Variants in NRG1 observed in about 807,000 individuals in gnomAD.
NRG1 encodes the protein neuregulin 1, also known as pro-neuregulin-1, membrane-bound isoform.
A neutral mutation model predicts 63.8 loss-of-function variants in NRG1; 18 were observed. That is an observed-to-expected ratio of 0.28 (90% CI 0.19 to 0.42). The LOEUF (loss-of-function observed/expected upper bound fraction) is 0.42. NRG1 is among the 10% of genes least tolerant of loss of function. The pLI is 1.00. For missense variants in NRG1, 762 were observed against 814.7 expected (o/e 0.94, Z 0.79); for synonymous variants, 302 against 301.3 (o/e 1.00, Z -0.02).
At chr8:32,681,363 C>T (rs1808570553) in intron 5 of NRG1, among the ~76,000 whole-genome samples, 1 of 152,124 alleles carries the variant, frequency 6.6e-6, no homozygotes, top group South Asian at 2.1e-4. Context: ...CATTTAAGTA[C>T]AATGAAGTGT....
chr8:32,483,002 G>A (rs1325238122), intron 1 of NRG1, among the ~76,000 whole-genome samples: 2 of 152,218 alleles, frequency 1.3e-5, no homozygotes, highest in Non-Finnish European at 2.9e-5. Flanking sequence ...GACAGCATGA[G>A]GCTTAGGTTG....
At chr8:31,715,780 G>C (rs957138890) in intron 1 of NRG1, among the ~76,000 whole-genome samples, 1 of 152,134 alleles carries the variant, frequency 6.6e-6, no homozygotes, top group Non-Finnish European at 1.5e-5. Context: ...TATTCTACAT[G>C]AGAAAATGGG....
intron 1 of NRG1, among the ~76,000 whole-genome samples, chr8:31,970,560 T>G (rs940501929): frequency 6.6e-6 from 1 of 152,156 alleles, no homozygotes; most frequent in African/African-American, 2.4e-5. Flanking sequence ...AAAAGTCACA[T>G]GAGCTTACAG....
At chr8:32,133,128 C>T (rs539559778) in intron 1 of NRG1, among the ~76,000 whole-genome samples, 4 of 152,044 alleles carry the variant, frequency 2.6e-5, no homozygotes, top group Admixed American at 6.6e-5. Context: ...AAATTCAGAG[C>T]TGTCTGAAGC....
chr8:31,956,874 T>C (rs1317699960), intron 1 of NRG1, among the ~76,000 whole-genome samples: 2 of 152,222 alleles, frequency 1.3e-5, no homozygotes, highest in Non-Finnish European at 2.9e-5. Context: ...TCAAAACCCA[T>C]ATACTTTTGC....
At chr8:31,751,810 A>G (rs1816499871) in intron 1 of NRG1, among the ~76,000 whole-genome samples, 1 of 151,932 alleles carries the variant, frequency 6.6e-6, no homozygotes, top group African/African-American at 2.4e-5. Context: ...TGAGGAAGAG[A>G]AAGATGTTTA....
At chr8:31,993,853 G>A (rs755942972) in intron 1 of NRG1, among the ~76,000 whole-genome samples, 11 of 151,982 alleles carry the variant, frequency 7.2e-5, no homozygotes, top group Non-Finnish European at 1.5e-4. Context: ...TTGAAGTCTA[G>A]CCTGATGACA....
Position 31,719,598 on chromosome 8 carries a change from G to A in NRG1, c.37+80167G>A, listed in dbSNP as rs80316037. On this transcript the variant is annotated intron_variant, in intron 1 of 10. Transcript: ENST00000519301. ...TGTGGTTCTTTGAAAGCATCAAATC[G>A]CTGCGGTTACTTTAGAAAGGTCATT... Among the ~76,000 whole-genome samples the A allele has an allele frequency of 4.4e-3, 671 of 152,216 alleles. 6 individuals are homozygous for A. The highest frequency in any genetic ancestry group is 0.015 in the African/African-American group (643 of 41,520).
chr8:32,217,307 AG>A (rs1845348175), intron 1 of NRG1, among the ~76,000 whole-genome samples: 2 of 152,012 alleles, frequency 1.3e-5, no homozygotes, highest in East Asian at 3.9e-4. Context: ...ATCTAAGAAA[AG>A]GGAGAGGTAA....
At chr8:31,916,826 G>A (rs1248672459) in intron 1 of NRG1, among the ~76,000 whole-genome samples, 1 of 151,734 alleles carries the variant, frequency 6.6e-6, no homozygotes, top group Non-Finnish European at 1.5e-5. Context: ...CACCAACAAT[G>A]TAAAAGTGTT....
rs144198308 is a variant in NRG1 at position 31,877,952 on chromosome 8, T to G, written c.37+238521T>G. 2.8e-3 allele frequency among the ~76,000 whole-genome samples: 422 copies of G among 152,342 alleles called. 2 individuals carry two copies. The highest frequency in any genetic ancestry group is 9.4e-3 in the African/African-American group (389 of 41,582). ...TTTTACTTAAATCGCAGAGTACTGTTTTTGCTATTTTAATATGCTGTAAGT... is the reference window on the plus strand; with the variant it reads ...TTTTACTTAAATCGCAGAGTACTGTGTTTGCTATTTTAATATGCTGTAAGT... On this transcript the variant is annotated intron_variant, in intron 1 of 10. Coordinates refer to the NRG1 transcript ENST00000519301.
intron 1 of NRG1, among the ~76,000 whole-genome samples, chr8:32,383,190 A>C (rs1160877670): frequency 6.6e-6 from 1 of 152,180 alleles, no homozygotes; most frequent in Non-Finnish European, 1.5e-5. Flanking sequence ...GCATTACTGC[A>C]TTCCAGCCTT....
At chr8:31,643,017 A>G (rs910057165) in intron 1 of NRG1, among the ~76,000 whole-genome samples, 1 of 151,944 alleles carries the variant, frequency 6.6e-6, no homozygotes, top group Non-Finnish European at 1.5e-5. Flanking sequence ...AGAATGAATG[A>G]ATGTGTGAAT....
At chr8:31,879,865 C>T (rs1320682843) in intron 1 of NRG1, among the ~76,000 whole-genome samples, 3 of 152,168 alleles carry the variant, frequency 2.0e-5, no homozygotes, top group Non-Finnish European at 4.4e-5. Flanking sequence ...CAGCTCCATC[C>T]ATATTCCCAC....
At position 31,708,692 on chromosome 8, in the gene NRG1, G is replaced by A. The variant is rs569339180; in HGVS notation, c.37+69261G>A. On this transcript the variant is annotated intron_variant, in intron 1 of 10. Coordinates refer to the NRG1 transcript ENST00000519301. ...GATCTCCTGACCTCGTGATCCGCCC[G>A]CCTCGGCCTCCCAAAGTGCTGGGAT... Among the ~76,000 whole-genome samples, 46 of 152,010 alleles carry A rather than the reference G, an allele frequency of 3.0e-4. 1 individual carries two copies. Among genetic ancestry groups the A allele is most frequent in the Admixed American group, 2.5e-3 (38 of 15,270 alleles).
intron 1 of NRG1, among the ~76,000 whole-genome samples, chr8:32,169,261 C>A (rs1423996989): frequency 6.6e-6 from 1 of 152,060 alleles, no homozygotes. Flanking sequence ...TGTCCATAGG[C>A]CTGGTTGGGT....
chr8:31,862,813 A>T (rs1234826213), intron 1 of NRG1, among the ~76,000 whole-genome samples: 1 of 152,194 alleles, frequency 6.6e-6, no homozygotes, highest in Admixed American at 6.5e-5. Flanking sequence ...GAGGCAAGGG[A>T]AAAACAGAAA....
chr8:32,295,521 G>C (rs1854736005), intron 1 of NRG1, among the ~76,000 whole-genome samples: 1 of 152,082 alleles, frequency 6.6e-6, no homozygotes, highest in South Asian at 2.1e-4. Flanking sequence ...CTTATAATAG[G>C]ATTACACTTT....
chr8:32,221,406 A>G (rs1845801425), intron 1 of NRG1, among the ~76,000 whole-genome samples: 2 of 152,220 alleles, frequency 1.3e-5, no homozygotes, highest in African/African-American at 4.8e-5. Flanking sequence ...GAAAATATGA[A>G]CAGAGCTGCT....
Sources: gnomAD v4.1 joint callset for allele counts (sites outside exome capture counted in the v4.1 genomes callset) on GRCh38, gnomAD v4.1.1 for gene constraint, MANE v1.5 for transcripts, NCBI Gene and HGNC (gene_info 2026-07-23, HGNC 2026-07-21) for gene names.